Variants in MYO16 observed in about 807,000 individuals in gnomAD.
The protein encoded by MYO16 is myosin XVI, also known as unconventional myosin-XVI.
In MYO16, 94 loss-of-function variants were observed where a neutral mutation model predicts 205.3. The ratio of observed to expected loss-of-function variants is 0.46; its 90% CI spans 0.39 to 0.54. The LOEUF (loss-of-function observed/expected upper bound fraction) is 0.54. Among genes scored for constraint, MYO16 ranks in the 20% least tolerant of loss-of-function variants. The probability of loss-of-function intolerance (pLI) is 0.00; values close to 1 mark genes in which losing one functional copy is unlikely to be tolerated. For synonymous variants in MYO16, 988 were observed against 954.0 expected (o/e 1.04, Z -0.66); for missense variants, 2,315 against 2,387.5 (o/e 0.97, Z 0.63).
chr13:109,034,242 T>A (rs1359240632), intron 23 of MYO16, among the ~76,000 whole-genome samples: 2 of 152,232 alleles, frequency 1.3e-5, no homozygotes, highest in Non-Finnish European at 2.9e-5. Context: ...TTCCAAATTT[T>A]ACAAATGTAT....
At chr13:108,834,793 T>C (rs1449306702) in intron 9 of MYO16, among the ~76,000 whole-genome samples, 1 of 89,814 alleles carries the variant, frequency 1.1e-5, no homozygotes, top group Non-Finnish European at 2.8e-5. Context: ...ATTAAAATTA[T>C]TTCTTTTTTT....
chr13:108,710,337 TTTG>T (rs1157355682), intron 2 of MYO16, among the ~76,000 whole-genome samples: 28 of 152,194 alleles, frequency 1.8e-4, no homozygotes, highest in African/African-American at 6.5e-4. Context: ...TATTTCCCCC[TTTG>T]TTCTACTTTT....
At chr13:109,122,366 C>T (rs76655337) in intron 29 of MYO16, among the ~76,000 whole-genome samples, 17,748 of 152,160 alleles carry the variant, frequency 0.12, 1,289 homozygotes, top group Middle Eastern at 0.19. Flanking sequence ...GTTCACTTTT[C>T]TAAAGATAAA....
chr13:109,118,587 A>G (rs1312959880), intron 28 of MYO16, among the ~76,000 whole-genome samples: 1 of 152,146 alleles, frequency 6.6e-6, no homozygotes, highest in Non-Finnish European at 1.5e-5. Context: ...TTGTTTTGGA[A>G]CCCAGGTTTG....
At chr13:108,889,863 C>T (rs1338072660) in intron 14 of MYO16, among the ~76,000 whole-genome samples, 4 of 152,088 alleles carry the variant, frequency 2.6e-5, no homozygotes, top group African/African-American at 4.8e-5. Context: ...CTGGACATGC[C>T]ACAGTGTACT....
intron 16 of MYO16, among the ~76,000 whole-genome samples, chr13:108,954,000 C>G (rs1449610201): frequency 6.6e-6 from 1 of 152,206 alleles, no homozygotes; most frequent in Non-Finnish European, 1.5e-5. Context: ...CCACCTGACC[C>G]ATTACGTAGT....
At chr13:108,984,815 A>G (rs530262499) in intron 20 of MYO16, among the ~76,000 whole-genome samples, 2 of 152,238 alleles carry the variant, frequency 1.3e-5, no homozygotes, top group East Asian at 3.9e-4. Context: ...TTTCAAGCCT[A>G]TCCTTATGTT....
intron 16 of MYO16, among the ~76,000 whole-genome samples, chr13:108,919,026 G>C (rs1255126524): frequency 6.6e-6 from 1 of 151,790 alleles, no homozygotes; most frequent in Admixed American, 6.6e-5. Flanking sequence ...CCAATGTCCA[G>C]ATAGTCACGA....
At chr13:108,551,449 C>T in the MYO16 span, among the ~76,000 whole-genome samples, 22 of 152,166 alleles carry the variant, frequency 1.4e-4, no homozygotes, top group African/African-American at 4.6e-4. Context: ...TGTCCATTTG[C>T]CATTTCTTGA....
intron 20 of MYO16, among the ~76,000 whole-genome samples, chr13:108,976,817 G>A (rs2139404904): frequency 6.6e-6 from 1 of 152,216 alleles, no homozygotes; most frequent in Admixed American, 6.5e-5. Context: ...GAAAAATTCA[G>A]TAGTCAAGAA....
intron 23 of MYO16, among the ~76,000 whole-genome samples, chr13:109,037,776 A>G (rs888007619): frequency 6.6e-6 from 1 of 152,128 alleles, no homozygotes; most frequent in Admixed American, 6.5e-5. Context: ...GAAACTCAGT[A>G]ACTTGCCCTG....
chr13:108,716,870 T>C (rs1169607880), intron 3 of MYO16, among the ~76,000 whole-genome samples: 1 of 152,240 alleles, frequency 6.6e-6, no homozygotes, highest in Non-Finnish European at 1.5e-5. Flanking sequence ...TTTAGTTTTA[T>C]CTTATTTTTA....
At chr13:108,831,531 A>G (rs1342045828) in intron 9 of MYO16, among the ~76,000 whole-genome samples, 1 of 152,132 alleles carries the variant, frequency 6.6e-6, no homozygotes, top group Non-Finnish European at 1.5e-5. Context: ...TCTTTTTTCC[A>G]GACAGAGTTT....
intron 27 of MYO16, among the ~76,000 whole-genome samples, chr13:109,076,882 A>C (rs1010826090): frequency 2.0e-5 from 3 of 151,976 alleles, no homozygotes; most frequent in Non-Finnish European, 2.9e-5. Flanking sequence ...GTGGAAACTG[A>C]TTCTCTCTAT....
At chr13:108,814,243 C>CTATA (rs1363500156) in intron 7 of MYO16, among the ~76,000 whole-genome samples, 54 of 152,250 alleles carry the variant, frequency 3.5e-4, no homozygotes, top group African/African-American at 1.2e-3. Flanking sequence ...GATACTCTAA[C>CTATA]CTTTTTGCAA....
chr13:108,747,495 G>A (rs1885102598), intron 4 of MYO16, among the ~76,000 whole-genome samples: 1 of 151,962 alleles, frequency 6.6e-6, no homozygotes, highest in Admixed American at 6.6e-5. Flanking sequence ...AATGTATATT[G>A]GAAACTTTAG....
At chr13:108,496,377 G>GT in the MYO16 span, among the ~76,000 whole-genome samples, 1 of 152,206 alleles carries the variant, frequency 6.6e-6, no homozygotes, top group Non-Finnish European at 1.5e-5. Context: ...CTCCTCCTCT[G>GT]TTTCTTTGGG....
intron 4 of MYO16, among the ~76,000 whole-genome samples, chr13:108,783,129 C>T (rs908169576): frequency 3.0e-4 from 45 of 152,148 alleles, no homozygotes; most frequent in African/African-American, 1.1e-3. Flanking sequence ...GCCACAGACA[C>T]TCAACACTAG....
chr13:109,119,523 G>A (rs1167482294), intron 28 of MYO16, among the ~76,000 whole-genome samples: 1 of 152,134 alleles, frequency 6.6e-6, no homozygotes, highest in African/African-American at 2.4e-5. Context: ...TATGTGAGGG[G>A]TATTCCTCAC....
Sources: gnomAD v4.1 joint callset for allele counts (sites outside exome capture counted in the v4.1 genomes callset) on GRCh38, gnomAD v4.1.1 for gene constraint, MANE v1.5 for transcripts, NCBI Gene and HGNC (gene_info 2026-07-23, HGNC 2026-07-21) for gene names.